The following DLG2 variants were observed in gnomAD, a reference collection of about 807,000 sequenced individuals.
DLG2 encodes the protein disks large homolog 2.
A neutral mutation model predicts 132.5 loss-of-function variants in DLG2; 45 were observed. That is an observed-to-expected ratio of 0.34 (90% CI 0.27 to 0.44). The LOEUF (loss-of-function observed/expected upper bound fraction) is 0.44. DLG2 is among the 20% of genes least tolerant of loss of function. The pLI is 1.00. For missense variants in DLG2, 1,045 were observed against 1,196.9 expected, an observed-to-expected ratio of 0.87 and a Z score of 1.87; for synonymous variants, 424 against 419.6, an observed-to-expected ratio of 1.01 and a Z score of -0.13.
At chr11:84,371,625 ATTTT>A (rs754167642) in intron 7 of DLG2, among the ~76,000 whole-genome samples, 1 of 152,142 alleles carries the variant, frequency 6.6e-6, no homozygotes, top group Non-Finnish European at 1.5e-5. Flanking sequence ...ATCAATTAAC[ATTTT>A]AAAATGTAAG....
chr11:84,633,820 T>C (rs1335370065), intron 6 of DLG2, among the ~76,000 whole-genome samples: 1 of 152,142 alleles, frequency 6.6e-6, no homozygotes, highest in African/African-American at 2.4e-5. Context: ...CACACTGGCC[T>C]GCTCTCGTTG....
At chr11:84,299,226 C>A (rs1456259255) in intron 7 of DLG2, among the ~76,000 whole-genome samples, 2 of 152,078 alleles carry the variant, frequency 1.3e-5, no homozygotes, top group African/African-American at 4.8e-5. Flanking sequence ...TAAAGTGAAG[C>A]CTTCTTTAAA....
At chr11:84,001,676 T>G (rs2094353332) in intron 11 of DLG2, among the ~76,000 whole-genome samples, 1 of 152,132 alleles carries the variant, frequency 6.6e-6, no homozygotes, top group Non-Finnish European at 1.5e-5. Context: ...TTATCCAGGA[T>G]AGTAGATATG....
chr11:83,636,808 T>C (rs147886072), intron 18 of DLG2, among the ~76,000 whole-genome samples: 14 of 152,326 alleles, frequency 9.2e-5, no homozygotes, highest in African/African-American at 3.4e-4. Context: ...CATGACATTC[T>C]ATGGTGTTAA....
At chr11:83,929,389 T>C (rs1418959652) in intron 15 of DLG2, among the ~76,000 whole-genome samples, 1 of 152,172 alleles carries the variant, frequency 6.6e-6, no homozygotes, top group Non-Finnish European at 1.5e-5. Flanking sequence ...AACATTACAA[T>C]TGGGATCTCT....
chr11:84,019,670 A>C (rs911633574), intron 11 of DLG2, among the ~76,000 whole-genome samples: 14 of 152,120 alleles, frequency 9.2e-5, no homozygotes, highest in African/African-American at 3.1e-4. Flanking sequence ...TGTTTTAATA[A>C]ATGGAAAATT....
At chr11:83,750,816 T>C (rs1025819524) in intron 18 of DLG2, among the ~76,000 whole-genome samples, 6 of 152,214 alleles carry the variant, frequency 3.9e-5, no homozygotes, top group African/African-American at 1.2e-4. Flanking sequence ...TTAGGACTTA[T>C]TGTCCCAGAG....
chr11:83,950,652 C>T (rs971776611), intron 14 of DLG2, among the ~76,000 whole-genome samples: 1 of 152,154 alleles, frequency 6.6e-6, no homozygotes, highest in Non-Finnish European at 1.5e-5. Flanking sequence ...ATGAATAGAA[C>T]TCCTGCTTAA....
intron 7 of DLG2, among the ~76,000 whole-genome samples, chr11:84,268,697 G>T (rs1049601146): frequency 3.9e-5 from 6 of 151,932 alleles, no homozygotes; most frequent in African/African-American, 1.5e-4. Flanking sequence ...TCCTGACCTC[G>T]TGATCCGCCC....
chr11:84,739,546 A>G (rs748512627), intron 6 of DLG2, among the ~76,000 whole-genome samples: 3 of 152,208 alleles, frequency 2.0e-5, no homozygotes, highest in African/African-American at 7.2e-5. Context: ...AGGAAAAGAT[A>G]TATCTTTAAA....
chr11:83,480,300 A>G, intron 22 of DLG2: 1 of 1,213,010 alleles, frequency 8.2e-7, no homozygotes, highest in Non-Finnish European at 1.2e-6. Flanking sequence ...CAACAACAGA[A>G]ATCTGAAATG....
At chr11:84,979,155 A>C (rs1245544066) in intron 6 of DLG2, among the ~76,000 whole-genome samples, 2 of 152,184 alleles carry the variant, frequency 1.3e-5, no homozygotes, top group African/African-American at 4.8e-5. Context: ...AAATGTCAGG[A>C]AACAACAGGT....
At chr11:85,626,517 C>A (rs886270191) in intron 2 of DLG2, 70 bp downstream of exon 2, 1 of 152,136 alleles carries the variant, frequency 6.6e-6, no homozygotes, top group Non-Finnish European at 1.5e-5. Context: ...CAAAACTTTA[C>A]TCTCAAATGG....
At chr11:83,897,668 C>G (rs189554064) in intron 15 of DLG2, among the ~76,000 whole-genome samples, 13 of 152,140 alleles carry the variant, frequency 8.5e-5, no homozygotes, top group African/African-American at 3.1e-4. Flanking sequence ...CAAATATTTA[C>G]TGAATGTTCT....
chr11:83,803,904 T>G lies in DLG2; in HGVS notation c.1723-17112A>C, dbSNP rs1665822529. Among the ~76,000 whole-genome samples the G allele has an allele frequency of 2.0e-5, 3 of 152,256 alleles. 1 individual carries two copies. In the South Asian group the frequency reaches 6.2e-4, roughly 32 times the overall value. ...AAATCTGTTAATGCAAAACTCAAAC[T>G]CTGGCTGCTGCATGTGGGACTCATC... On this transcript the variant is annotated intron_variant, in intron 17 of 27. Transcript: ENST00000376104.
intron 8 of DLG2, among the ~76,000 whole-genome samples, chr11:84,242,554 T>G (rs949023132): frequency 6.6e-6 from 1 of 151,900 alleles, no homozygotes; most frequent in African/African-American, 2.4e-5. Context: ...TACAGGTGTC[T>G]GCCACTGTGC....
intron 11 of DLG2, among the ~76,000 whole-genome samples, chr11:84,014,804 T>G (rs2095082299): frequency 1.3e-5 from 2 of 151,798 alleles, no homozygotes; most frequent in South Asian, 4.2e-4. Context: ...CTTGCACAGG[T>G]GCACCTGCCT....
chr11:84,398,356 G>A (rs951117201), intron 7 of DLG2, among the ~76,000 whole-genome samples: 7 of 152,048 alleles, frequency 4.6e-5, no homozygotes, highest in African/African-American at 1.2e-4. Context: ...AAGAGAAGAC[G>A]ATATTAGTAG....
chr11:85,534,784 G>A (rs1411142963), intron 3 of DLG2, among the ~76,000 whole-genome samples: 1 of 152,128 alleles, frequency 6.6e-6, no homozygotes, highest in African/African-American at 2.4e-5. Context: ...ATTGTGAATG[G>A]TGCTGCAATA....
Sources: allele counts gnomAD v4.1 joint callset (sites outside exome capture counted in the v4.1 genomes callset), GRCh38; gene constraint gnomAD v4.1.1; transcripts MANE v1.5; gene names NCBI Gene and HGNC (gene_info 2026-07-23, HGNC 2026-07-21).